PRKCE: variants seen among roughly 807,000 people sequenced by gnomAD.
PRKCE encodes the protein protein kinase C epsilon type.
A neutral mutation model predicts 85.4 loss-of-function variants in PRKCE; 16 were observed. The observed-to-expected ratio is 0.19, with a 90% CI of 0.13 to 0.28. The LOEUF is 0.28. PRKCE is among the 10% of genes least tolerant of loss of function. The probability of loss-of-function intolerance (pLI) is 1.00; values close to 1 mark genes in which losing one functional copy is unlikely to be tolerated. For synonymous variants in PRKCE, 388 were observed against 371.5 expected, an observed-to-expected ratio of 1.04 and a Z score of -0.51; for missense variants, 573 against 975.2, an observed-to-expected ratio of 0.59 and a Z score of 5.49.
At position 45,731,617 on chromosome 2, in the gene PRKCE, ATTTTT is replaced by A. The variant is rs11329717; in HGVS notation, c.348+79189_348+79193del. ...ACCAAGAATTTTCTGAATTCCTGGA[ATTTTT>A]TTTTTTTTTTTTTTTTTTTGAGGCA... On this transcript the variant is annotated intron_variant, in intron 1 of 14. Coordinates refer to ENST00000306156, the MANE Select transcript of PRKCE (RefSeq NM_005400.3). 7.9e-3 allele frequency among the ~76,000 whole-genome samples: 857 copies of A among 108,590 alleles called. 10 individuals carry two copies. Among genetic ancestry groups the A allele is most frequent in the African/African-American group, 0.028 (800 of 28,812 alleles). 71.2% of individuals were successfully genotyped at this position (108,590 alleles called of 152,430 possible). A position where few individuals can be genotyped will look rare whatever the true frequency, so the allele number is the denominator to read the frequency against.
intron 2 of PRKCE, chr2:45,845,756 G>C (rs1387676711): frequency 6.6e-6 from 1 of 152,150 alleles, no homozygotes; most frequent in East Asian, 1.9e-4. Flanking sequence ...TCCACTGCTT[G>C]CATGTCCTGT....
At chr2:45,688,340 T>C (rs1018193619) in intron 1 of PRKCE, among the ~76,000 whole-genome samples, 1 of 152,192 alleles carries the variant, frequency 6.6e-6, no homozygotes, top group African/African-American at 2.4e-5. Flanking sequence ...AAGGGGTACA[T>C]ATCAGAAGAG....
At chr2:46,140,390 T>A (rs1675396858) in intron 11 of PRKCE, among the ~76,000 whole-genome samples, 1 of 152,206 alleles carries the variant, frequency 6.6e-6, no homozygotes, top group Non-Finnish European at 1.5e-5. Context: ...GATTTAGTAC[T>A]AGTATTTGAT....
At chr2:45,778,259 G>C (rs185636269) in intron 1 of PRKCE, among the ~76,000 whole-genome samples, 50 of 152,276 alleles carry the variant, frequency 3.3e-4, no homozygotes, top group Admixed American at 1.5e-3. Flanking sequence ...GTTTTGAGCA[G>C]TGGGACATGA....
At chr2:45,993,442 G>A (rs926329694) in intron 6 of PRKCE, among the ~76,000 whole-genome samples, 1 of 152,112 alleles carries the variant, frequency 6.6e-6, no homozygotes, top group Non-Finnish European at 1.5e-5. Flanking sequence ...TACATATTAA[G>A]ATGAGTACAT....
intron 1 of PRKCE, among the ~76,000 whole-genome samples, chr2:45,803,216 C>A (rs1467253457): frequency 1.3e-5 from 2 of 152,310 alleles, no homozygotes; most frequent in African/African-American, 4.8e-5. Context: ...TACAAGGGAA[C>A]AAGATTTGGT....
chr2:45,712,136 CCT>C (rs1491567754), intron 1 of PRKCE, among the ~76,000 whole-genome samples: 21 of 92,720 alleles, frequency 2.3e-4, no homozygotes, highest in Non-Finnish European at 3.8e-4. Flanking sequence ...TACGGCCTGT[CCT>C]TTTTTTTTTT....
chr2:46,159,910 T>G lies in PRKCE; in HGVS notation c.2067+158T>G. ...GAGGCTCTCCCTAAGACAATGTCTT[T>G]AGGCCCCAAGTGTTTACTATTGAAA... On this transcript the variant is annotated intron_variant, in intron 14 of 14. Transcript: ENST00000306156. The surrounding 1 kb of genome is among the most constrained non-coding windows in gnomAD (Gnocchi z 4.1). 1 of 850,562 alleles carries G rather than the reference T, an allele frequency of 1.2e-6. No individual in the cohort carries two copies. The highest frequency in any genetic ancestry group is 3.0e-5 in the East Asian group (1 of 33,444). The allele number at this position is 850,562 out of a possible 1,614,324, so 52.7% of individuals were successfully genotyped here. A position where few individuals can be genotyped will look rare whatever the true frequency, so the allele number is the denominator to read the frequency against.
chr2:45,743,987 G>A (rs1476333), intron 1 of PRKCE, among the ~76,000 whole-genome samples: 88,325 of 143,704 alleles, frequency 0.61, 26,194 homozygotes, highest in South Asian at 0.74. Flanking sequence ...AGATTTGGCC[G>A]TTGTGTGTTT....
At chr2:45,733,020 T>C (rs1176317999) in intron 1 of PRKCE, among the ~76,000 whole-genome samples, 1 of 152,244 alleles carries the variant, frequency 6.6e-6, no homozygotes, top group Non-Finnish European at 1.5e-5. Context: ...TCTACCATTG[T>C]AGTGCAAAAG....
chr2:45,802,083 T>TA (rs36010894), intron 1 of PRKCE, among the ~76,000 whole-genome samples: 1,484 of 121,856 alleles, frequency 0.012, 16 homozygotes, highest in African/African-American at 0.02. Flanking sequence ...GACCCTATCT[T>TA]AAAAAAAAAA....
intron 10 of PRKCE, among the ~76,000 whole-genome samples, chr2:46,076,366 T>C (rs896769271): frequency 6.6e-6 from 1 of 152,208 alleles, no homozygotes; most frequent in Non-Finnish European, 1.5e-5. Context: ...CTCTGATCTA[T>C]TGGACCAAAA....
chr2:45,899,809 G>C (rs1326379323), intron 2 of PRKCE, among the ~76,000 whole-genome samples: 1 of 152,232 alleles, frequency 6.6e-6, no homozygotes, highest in African/African-American at 2.4e-5. Context: ...CTGTTGACCA[G>C]GGCAGTGTGG....
chr2:46,011,088 C>G, intron 10 of PRKCE: 1 of 432,682 alleles, frequency 2.3e-6, no homozygotes, highest in Non-Finnish European at 3.5e-6. Flanking sequence ...TAGAGTCTGA[C>G]TCGAGTATTA....
chr2:45,663,610 C>T (rs984402008), intron 1 of PRKCE, among the ~76,000 whole-genome samples: 9 of 152,074 alleles, frequency 5.9e-5, no homozygotes, highest in Non-Finnish European at 1.2e-4. Flanking sequence ...AGTGAAACCC[C>T]ATCTCTACTA....
At position 45,905,974 on chromosome 2, in the gene PRKCE, G is replaced by C. The variant is rs1157860888; in HGVS notation, c.412+62911G>C. Among the ~76,000 whole-genome samples the C allele has an allele frequency of 6.6e-6, 1 of 152,166 alleles. No homozygotes were observed. The highest frequency in any genetic ancestry group is 1.5e-5 in the Non-Finnish European group (1 of 68,022). ...GGGTGGGCAGGCTATCTTCAGCGGT[G>C]ATGCGCTTTCAACCCTCCTCCCCTA... On this transcript the variant is annotated intron_variant, in intron 2 of 14. Coordinates refer to ENST00000306156, the MANE Select transcript of PRKCE (RefSeq NM_005400.3). This position sits in a 1 kb window ranked among gnomAD's most constrained non-coding sequence, Gnocchi z 4.4.
At chr2:46,137,405 A>C (rs560329359) in intron 11 of PRKCE, among the ~76,000 whole-genome samples, 42 of 152,304 alleles carry the variant, frequency 2.8e-4, no homozygotes, top group Non-Finnish European at 2.5e-4. Context: ...AATTCTTAGA[A>C]GCCAAAATAT....
chr2:45,922,588 C>G (rs577182487), intron 2 of PRKCE, among the ~76,000 whole-genome samples: 1 of 152,222 alleles, frequency 6.6e-6, no homozygotes, highest in African/African-American at 2.4e-5. Flanking sequence ...CCCTTCCCCC[C>G]AGGCTGTCTC....
At chr2:46,156,631 C>T (rs1677235983) in intron 13 of PRKCE, among the ~76,000 whole-genome samples, 2 of 152,206 alleles carry the variant, frequency 1.3e-5, no homozygotes, top group Admixed American at 1.3e-4. Context: ...CCATCCTGAC[C>T]TTCCTACAGG....
Sources: gnomAD v4.1 joint callset for allele counts (sites outside exome capture counted in the v4.1 genomes callset) on GRCh38, gnomAD v4.1.1 for gene constraint, Gnocchi (gnomAD v3.1) non-coding constraint, MANE v1.5 for transcripts, NCBI Gene and HGNC (gene_info 2026-07-23, HGNC 2026-07-21) for gene names.